RAB11FIP4: variants seen among roughly 807,000 people sequenced by gnomAD.
RAB11FIP4 encodes the protein rab11 family-interacting protein 4.
A neutral mutation model predicts 74.3 loss-of-function variants in RAB11FIP4; 23 were observed. That is an observed-to-expected ratio of 0.31 (90% CI 0.22 to 0.44). The LOEUF (loss-of-function observed/expected upper bound fraction) is 0.44. RAB11FIP4 is among the 20% of genes least tolerant of loss of function. The pLI, the probability that RAB11FIP4 is intolerant of heterozygous loss-of-function variation, is 1.00. For synonymous variants in RAB11FIP4, 360 were observed against 359.9 expected (o/e 1.00, Z 0.00); for missense variants, 630 against 863.9 (o/e 0.73, Z 3.39).
intron 3 of RAB11FIP4, among the ~76,000 whole-genome samples, chr17:31,516,725 C>T (rs1320205603): frequency 6.6e-6 from 1 of 152,242 alleles, no homozygotes; most frequent in Non-Finnish European, 1.5e-5. Flanking sequence ...GCCTTGGCCT[C>T]CCAAGTGCTG....
intron 1 of RAB11FIP4, among the ~76,000 whole-genome samples, chr17:31,426,624 A>C (rs1205587140): frequency 8.4e-6 from 1 of 119,754 alleles, no homozygotes; most frequent in Non-Finnish European, 1.7e-5. Flanking sequence ...TTGAGACGGA[A>C]TTTTGCTCTT....
intron 3 of RAB11FIP4, among the ~76,000 whole-genome samples, chr17:31,486,959 CGTGTGTGCATGTGT>C (rs1469131141): frequency 4.6e-5 from 7 of 152,068 alleles, no homozygotes; most frequent in Non-Finnish European, 8.8e-5. Context: ...AAAGCTGGTG[CGTGTGTGCATGTGT>C]GTGTGTGCAT....
intron 3 of RAB11FIP4, among the ~76,000 whole-genome samples, chr17:31,481,385 T>A (rs2071847574): frequency 6.6e-6 from 1 of 152,178 alleles, no homozygotes; most frequent in African/African-American, 2.4e-5. Context: ...GAACCACTGC[T>A]TTAAAGGGTT....
intron 3 of RAB11FIP4, among the ~76,000 whole-genome samples, chr17:31,451,446 G>A (rs962250766): frequency 5.4e-5 from 7 of 129,282 alleles, no homozygotes; most frequent in South Asian, 2.6e-4. Context: ...GCAACAGAGC[G>A]AGACTCCATC....
rs376243281 is a variant in RAB11FIP4 at position 31,528,625 on chromosome 17, C to A, written c.1500C>A (p.Ile500=). 3 of 1,613,368 alleles carry A rather than the reference C, an allele frequency of 1.9e-6. No individual in the cohort carries two copies. The highest frequency in any genetic ancestry group is 2.5e-6 in the Non-Finnish European group (3 of 1,179,804). ...QKEREATQEL[I]EDLRKELEHL... ...CCTGCTTCTCTCCCTCGCAGCTCAT[C>A]GAGGACTTGCGGAAGGAGCTGGAGC... is the stretch of plus-strand genomic sequence containing the variant. Residue 500 remains isoleucine (I), a synonymous_variant, in exon 13 of 15, where the codon ATC becomes ATA. Coordinates refer to ENST00000621161, the MANE Select transcript of RAB11FIP4 (RefSeq NM_032932.6).
At chr17:31,427,627 C>T (rs982967709) in intron 1 of RAB11FIP4, among the ~76,000 whole-genome samples, 14 of 152,218 alleles carry the variant, frequency 9.2e-5, no homozygotes, top group African/African-American at 2.7e-4. Flanking sequence ...ACTCTGTGGC[C>T]GACTCCACCC....
chr17:31,453,729 G>A (rs2071548838), intron 3 of RAB11FIP4, among the ~76,000 whole-genome samples: 1 of 148,384 alleles, frequency 6.7e-6, no homozygotes, highest in African/African-American at 2.5e-5. Flanking sequence ...GGAGGCTGAG[G>A]CAGGAGAATC....
rs777668501 is a variant in RAB11FIP4 at position 31,528,724 on chromosome 17, C to T, written c.1599C>T (p.Phe533=). Residue 533 remains phenylalanine, a synonymous_variant, in exon 13 of 15, where the codon TTC becomes TTT. Coordinates refer to ENST00000621161, the MANE Select transcript of RAB11FIP4 (RefSeq NM_032932.6). ...GTGCCTCCTCTGGCCTAGGCGAGTT[C>T]AATGCCAGGGCCCGCGAGGTGGAGC... ...GRSASSGLGE[F]NARAREVELE... The T allele has an allele frequency of 1.9e-5, 30 of 1,611,912 alleles. No individual in the cohort carries two copies. The highest frequency in any genetic ancestry group is 2.4e-5 in the Non-Finnish European group (28 of 1,179,604).
chr17:31,507,141 T>C (rs1256689465), intron 3 of RAB11FIP4, among the ~76,000 whole-genome samples: 1 of 152,128 alleles, frequency 6.6e-6, no homozygotes, highest in Non-Finnish European at 1.5e-5. Flanking sequence ...TAGCCAGGCG[T>C]GGTGGCATGT....
At chr17:31,508,110 G>A (rs1404543972) in intron 3 of RAB11FIP4, among the ~76,000 whole-genome samples, 1 of 152,192 alleles carries the variant, frequency 6.6e-6, no homozygotes, top group Non-Finnish European at 1.5e-5. Flanking sequence ...TTACAGGTGT[G>A]AGCCACTGTG....
Position 31,452,855 on chromosome 17 carries a change from C to T in RAB11FIP4, c.336+18733C>T, listed in dbSNP as rs1178850458. Among the ~76,000 whole-genome samples the T allele has an allele frequency of 2.0e-5, 3 of 152,250 alleles. No homozygotes were observed. The South Asian group carries it at 6.2e-4, about 31-fold the overall frequency. ...CTTGCTTCTGGCATTGCTGTTTCCT[C>T]TCTGTGCACCTCTTATTCAGGCAGA... On this transcript the variant is annotated intron_variant, in intron 3 of 14. Transcript: ENST00000621161.
intron 10 of RAB11FIP4, 68 bp from the exon 11 acceptor site, chr17:31,527,774 G>A: frequency 8.4e-7 from 1 of 1,186,302 alleles, no homozygotes; most frequent in Non-Finnish European, 1.2e-6. Context: ...AATCACTGCA[G>A]ACTGGCAGGC....
At chr17:31,459,654 C>G (rs897620911) in intron 3 of RAB11FIP4, among the ~76,000 whole-genome samples, 3 of 151,756 alleles carry the variant, frequency 2.0e-5, no homozygotes, top group African/African-American at 4.9e-5. Flanking sequence ...GGGCTTTTGC[C>G]CATGCTGTTC....
chr17:31,420,230 C>G (rs149474680), intron 1 of RAB11FIP4, among the ~76,000 whole-genome samples: 1 of 151,908 alleles, frequency 6.6e-6, no homozygotes, highest in East Asian at 1.9e-4. Flanking sequence ...GTAATGATAT[C>G]TCTGTTTTCT....
intron 1 of RAB11FIP4, among the ~76,000 whole-genome samples, chr17:31,398,357 G>A (rs1249553955): frequency 1.3e-5 from 2 of 152,194 alleles, no homozygotes; most frequent in East Asian, 1.9e-4. Flanking sequence ...CACTCTTGAC[G>A]AAGCCTGAAT....
intron 3 of RAB11FIP4, among the ~76,000 whole-genome samples, chr17:31,514,270 T>C (rs1166085018): frequency 2.0e-5 from 3 of 152,332 alleles, no homozygotes; most frequent in Middle Eastern, 3.4e-3. Flanking sequence ...CTGCATGTCA[T>C]GAGCCAGGTG....
At chr17:31,400,540 C>T (rs567828926) in intron 1 of RAB11FIP4, among the ~76,000 whole-genome samples, 2 of 152,276 alleles carry the variant, frequency 1.3e-5, no homozygotes, top group East Asian at 1.9e-4. Context: ...TGTGGCTCCT[C>T]GGAGAGGCAG....
intron 1 of RAB11FIP4, among the ~76,000 whole-genome samples, chr17:31,395,745 G>A (rs1597893547): frequency 6.6e-6 from 1 of 152,264 alleles, no homozygotes; most frequent in Admixed American, 6.5e-5. Context: ...TCCTGGATGG[G>A]ACCCTAGAAT....
chr17:31,467,593 A>G (rs2142725048), intron 3 of RAB11FIP4, among the ~76,000 whole-genome samples: 1 of 152,232 alleles, frequency 6.6e-6, no homozygotes, highest in South Asian at 2.1e-4. Context: ...CAGCCTCAGA[A>G]TGGGCTTTGT....
Sources: gnomAD v4.1 joint callset for allele counts (sites outside exome capture counted in the v4.1 genomes callset) on GRCh38, gnomAD v4.1.1 for gene constraint, MANE v1.5 for transcripts, NCBI Gene and HGNC (gene_info 2026-07-23, HGNC 2026-07-21) for gene names.